ALG5: variants seen among roughly 807,000 people sequenced by gnomAD.
The protein encoded by ALG5 is dolichyl-phosphate beta-glucosyltransferase.
In ALG5, 26 loss-of-function variants were observed where a neutral mutation model predicts 51.8. The observed-to-expected ratio is 0.50, with a 90% CI of 0.37 to 0.70. ALG5 has a LOEUF of 0.70. ALG5 is among the 30% of genes least tolerant of loss of function. ALG5 has a pLI of 0.00. For synonymous variants in ALG5, 141 were observed against 136.1 expected, an observed-to-expected ratio of 1.04 and a Z score of -0.25; for missense variants, 311 against 399.3, an observed-to-expected ratio of 0.78 and a Z score of 1.88.
At chr13:36,972,686 A>G (rs1045894993) in intron 6 of ALG5, among the ~76,000 whole-genome samples, 5 of 152,188 alleles carry the variant, frequency 3.3e-5, no homozygotes, top group Non-Finnish European at 5.9e-5. Flanking sequence ...GGATATAGTA[A>G]CAGCATTAAA....
chr13:36,952,539 A>C lies in ALG5; in HGVS notation c.834T>G (p.Ile278Met). The C allele has an allele frequency of 1.3e-6, 2 of 1,599,944 alleles. No homozygotes were observed. Residue 278 changes from isoleucine (I) to methionine (M), a missense_variant, in exon 9 of 10, where the codon ATT (isoleucine) becomes ATG (methionine). Transcript: ENST00000239891. ...AQFFKIPIAEIAVNWTEIEGS... is the reference protein window; with the variant it reads ...AQFFKIPIAEMAVNWTEIEGS... ...CTTCAATTTCTGTCCAGTTGACAGCAATTTCTGCTATTGGAATTTTAAAGA... is the reference window on the plus strand; with the variant it reads ...CTTCAATTTCTGTCCAGTTGACAGCCATTTCTGCTATTGGAATTTTAAAGA...
intron 7 of ALG5, among the ~76,000 whole-genome samples, chr13:36,966,075 A>G (rs1245108336): frequency 1.3e-5 from 2 of 152,176 alleles, no homozygotes; most frequent in Non-Finnish European, 2.9e-5. Context: ...TTTGCCCCAC[A>G]TGTATTTCAG....
chr13:36,974,713 C>A (rs918076092), intron 6 of ALG5, among the ~76,000 whole-genome samples: 10 of 142,586 alleles, frequency 7.0e-5, no homozygotes, highest in Admixed American at 1.4e-4. Flanking sequence ...CTATGTAAAG[C>A]CCCCCCACCA....
chr13:36,972,455 A>C (rs2058928561), intron 6 of ALG5, among the ~76,000 whole-genome samples: 1 of 152,308 alleles, frequency 6.6e-6, no homozygotes, highest in East Asian at 1.9e-4. Context: ...AGTAGTCACA[A>C]AATGAATATA....
chr13:36,980,491 C>T (rs576063741), intron 6 of ALG5, among the ~76,000 whole-genome samples: 68 of 152,066 alleles, frequency 4.5e-4, no homozygotes, highest in Non-Finnish European at 8.5e-4. Context: ...CCTCTCAAAG[C>T]GCTGGGATTA....
In ALG5 at chr13:36,995,077, T is replaced by C. The variant is rs760116836; in HGVS notation, c.239-42A>G. The stretch of plus-strand genomic sequence containing the variant: ...TATTAAAAATCACTTTTGAAAATGA[T>C]TTTCCAAGCCCGGCACATTCAGCTT... On this transcript the variant is annotated intron_variant, in intron 2 of 9. Transcript: ENST00000239891. 15 of 1,559,128 alleles carry C rather than the reference T, an allele frequency of 9.6e-6. No individual in the cohort carries two copies. In the South Asian group the frequency reaches 1.7e-4, roughly 17 times the overall value.
chr13:36,986,099 A>T (rs1015025706), intron 5 of ALG5, among the ~76,000 whole-genome samples: 1 of 152,216 alleles, frequency 6.6e-6, no homozygotes, highest in Non-Finnish European at 1.5e-5. Context: ...GCTTAAAATG[A>T]ATTACGGGCT....
chr13:36,986,526 TAA>T (rs2059002602), intron 5 of ALG5, among the ~76,000 whole-genome samples: 1 of 152,210 alleles, frequency 6.6e-6, no homozygotes, highest in Non-Finnish European at 1.5e-5. Context: ...TGACTATAGG[TAA>T]GACATATACA....
intron 6 of ALG5, among the ~76,000 whole-genome samples, chr13:36,981,691 C>A (rs535846393): frequency 6.6e-6 from 1 of 152,266 alleles, no homozygotes; most frequent in South Asian, 2.1e-4. Context: ...AAAGAGTTGG[C>A]AATACCTGTA....
At chr13:36,960,160 C>T (rs922319244) in intron 8 of ALG5, among the ~76,000 whole-genome samples, 1 of 152,100 alleles carries the variant, frequency 6.6e-6, no homozygotes, top group East Asian at 1.9e-4. Context: ...CTATGACTAT[C>T]AATACTGACA....
At chr13:36,993,984 G>A (rs913750671) in intron 3 of ALG5, among the ~76,000 whole-genome samples, 1 of 152,168 alleles carries the variant, frequency 6.6e-6, no homozygotes, top group African/African-American at 2.4e-5. Flanking sequence ...GAGGGTACAG[G>A]TGTGTAAGAA....
chr13:36,993,114 C>T (rs1285173893), intron 4 of ALG5, among the ~76,000 whole-genome samples: 1 of 152,190 alleles, frequency 6.6e-6, no homozygotes, highest in East Asian at 1.9e-4. Flanking sequence ...CACTAAACTG[C>T]TGAGATGGCT....
chr13:36,957,384 G>C (rs2058844843), intron 8 of ALG5, among the ~76,000 whole-genome samples: 1 of 151,902 alleles, frequency 6.6e-6, no homozygotes, highest in African/African-American at 2.4e-5. Flanking sequence ...AGGCCCAAGA[G>C]GCAATAAAGG....
chr13:36,987,822 TC>T (rs2059008700), intron 5 of ALG5, among the ~76,000 whole-genome samples: 1 of 152,186 alleles, frequency 6.6e-6, no homozygotes, highest in African/African-American at 2.4e-5. Flanking sequence ...ACTATCATAA[TC>T]CAAATAAATA....
intron 4 of ALG5, among the ~76,000 whole-genome samples, chr13:36,990,110 G>A (rs1463662331): frequency 3.3e-5 from 5 of 152,150 alleles, no homozygotes; most frequent in Non-Finnish European, 5.9e-5. Context: ...CCTCTCTGCT[G>A]GCTCCACAGC....
At chr13:36,968,001 T>C (rs557305005) in intron 7 of ALG5, 123 of 234,116 alleles carry the variant, frequency 5.3e-4, no homozygotes, top group Non-Finnish European at 8.8e-4. Flanking sequence ...TTTAGGATAA[T>C]GGCTATTTTT....
At chr13:36,957,157 T>C (rs1290937523) in intron 8 of ALG5, among the ~76,000 whole-genome samples, 2 of 151,874 alleles carry the variant, frequency 1.3e-5, no homozygotes, top group Non-Finnish European at 2.9e-5. Context: ...TTTTCAAAAC[T>C]ATCAAGCAGA....
intron 1 of ALG5, among the ~76,000 whole-genome samples, chr13:36,997,205 G>A (rs1161930860): frequency 6.6e-6 from 1 of 152,074 alleles, no homozygotes; most frequent in African/African-American, 2.4e-5. Context: ...GGGCGCGGTG[G>A]CTCATGTCTG....
At chr13:36,985,306 C>T (rs2058997295) in intron 6 of ALG5, among the ~76,000 whole-genome samples, 1 of 151,972 alleles carries the variant, frequency 6.6e-6, no homozygotes, top group South Asian at 2.1e-4. Context: ...CACATCTTTA[C>T]CTGGAATTCA....
Sources: gnomAD v4.1 joint callset for allele counts (sites outside exome capture counted in the v4.1 genomes callset) on GRCh38, gnomAD v4.1.1 for gene constraint, MANE v1.5 for transcripts, NCBI Gene and HGNC (gene_info 2026-07-23, HGNC 2026-07-21) for gene names.